The following EYA4 variants were observed in gnomAD, a reference collection of about 807,000 sequenced individuals.
EYA4 encodes EYA transcriptional coactivator and phosphatase 4, also known as protein phosphatase EYA4.
In EYA4, 31 loss-of-function variants were observed where a neutral mutation model predicts 87.9. That is an observed-to-expected ratio of 0.35 (90% CI 0.27 to 0.48). The LOEUF (loss-of-function observed/expected upper bound fraction) is 0.48, where lower values mean the gene tolerates loss of function less well. Ranked by LOEUF, EYA4 falls within the 20% of genes least tolerant of loss-of-function variation. The pLI is 0.99. For missense variants in EYA4, 678 were observed against 761.4 expected (o/e 0.89, Z 1.29); for synonymous variants, 263 against 270.6 (o/e 0.97, Z 0.28).
intron 3 of EYA4, among the ~76,000 whole-genome samples, chr6:133,436,281 C>T (rs1791673766): frequency 6.6e-6 from 1 of 151,960 alleles, no homozygotes; most frequent in African/African-American, 2.4e-5. Context: ...AATTCCATCT[C>T]CCCTTACCTA....
chr6:133,369,361 CCT>C lies in EYA4; in HGVS notation c.34-13026_34-13025del, dbSNP rs543093406. Among the ~76,000 whole-genome samples, 26 of 151,738 alleles carry C rather than the reference CCT, an allele frequency of 1.7e-4. No homozygotes were observed. In the East Asian group the frequency reaches 3.7e-3, roughly 21 times the overall value. On this transcript the variant is annotated intron_variant, in intron 2 of 19. Coordinates refer to ENST00000355286, the MANE Select transcript of EYA4 (RefSeq NM_004100.5). Reference sequence around the variant, plus strand: ...TCATTTCATTAGAAATTAATATATCCCTCTCTTTCGTAAACATAAAAGACTTT... The same window carrying C: ...TCATTTCATTAGAAATTAATATATCCCTCTTTCGTAAACATAAAAGACTTT...
rs754043989 is a variant in EYA4, at chr6:133,530,513, A to G, written c.*1708A>G. ...ATAATGTGGATCCTGGAGTCAGGCT[A>G]CTAGTCAGTGCCCCTAGCCAGAGGC... On this transcript the variant is annotated 3_prime_UTR_variant, in exon 20 of 20. Transcript: ENST00000355286. The G allele has an allele frequency of 4.6e-5, 45 of 985,802 alleles. No homozygotes were observed. Among genetic ancestry groups the G allele is most frequent in the Non-Finnish European group, 5.4e-5 (45 of 829,880 alleles). 61.1% of individuals were successfully genotyped at this position (985,802 alleles called of 1,614,324 possible).
rs550411043 is a variant in EYA4, at chr6:133,445,769, A to T, written c.84-861A>T. Among the ~76,000 whole-genome samples the T allele has an allele frequency of 2.0e-5, 3 of 151,640 alleles. No homozygotes were observed. In the South Asian group the frequency reaches 6.3e-4, roughly 32 times the overall value. ...GATTTTTTTTGTATTTGTAGTAGAG[A>T]CGGGGTTTCACCGTGTTAGCCAGGA... On this transcript the variant is annotated intron_variant, in intron 3 of 19. Transcript: ENST00000355286.
chr6:133,404,986 A>G (rs960131403), intron 3 of EYA4, among the ~76,000 whole-genome samples: 3 of 152,268 alleles, frequency 2.0e-5, no homozygotes, highest in South Asian at 2.1e-4. Flanking sequence ...CAGACATGCT[A>G]TTCTCTGCTT....
chr6:133,509,629 G>A (rs957842561), intron 14 of EYA4, among the ~76,000 whole-genome samples: 2 of 152,118 alleles, frequency 1.3e-5, no homozygotes, highest in African/African-American at 2.4e-5. Flanking sequence ...GTGCTATTTC[G>A]GTTAGAATAA....
chr6:133,501,194 C>G (rs983446610), intron 13 of EYA4, among the ~76,000 whole-genome samples: 2 of 151,990 alleles, frequency 1.3e-5, no homozygotes, highest in African/African-American at 4.8e-5. Flanking sequence ...TTAAATTAGC[C>G]CTTTCCACTC....
chr6:133,265,608 T>G (rs1776152764), intron 1 of EYA4, among the ~76,000 whole-genome samples: 1 of 152,198 alleles, frequency 6.6e-6, no homozygotes, highest in South Asian at 2.1e-4. Flanking sequence ...TAGTTTTACT[T>G]GGTTCAATAA....
intron 14 of EYA4, among the ~76,000 whole-genome samples, chr6:133,512,027 T>TTTA (rs1799196662): frequency 6.6e-6 from 1 of 151,960 alleles, no homozygotes; most frequent in African/African-American, 2.4e-5. Context: ...TTACATAAAG[T>TTTA]TTATTTTGCT....
chr6:133,313,576 G>C (rs1780398338), intron 2 of EYA4, among the ~76,000 whole-genome samples: 1 of 152,152 alleles, frequency 6.6e-6, no homozygotes, highest in Non-Finnish European at 1.5e-5. Context: ...ATCTGTGCGA[G>C]GTTAGTTGTT....
rs192361419 is a variant in EYA4, at chr6:133,348,481, G to A, written c.34-33911G>A. Reference sequence around the variant, plus strand: ...GGGGTTTCACCATATCGGCCAGGCTGGTCTCAAACTCCTAACCTTGTGAAT... The same window carrying A: ...GGGGTTTCACCATATCGGCCAGGCTAGTCTCAAACTCCTAACCTTGTGAAT... On this transcript the variant is annotated intron_variant, in intron 2 of 19. Transcript: ENST00000355286. Among the ~76,000 whole-genome samples the A allele has an allele frequency of 2.2e-3, 327 of 151,840 alleles. 1 individual carries two copies. Among genetic ancestry groups the A allele is most frequent in the Non-Finnish European group, 3.6e-3 (247 of 67,932 alleles).
In EYA4 at chr6:133,351,841, C is replaced by A. The variant is rs189397771; in HGVS notation, c.34-30551C>A. Among the ~76,000 whole-genome samples, 21 of 152,210 alleles carry A rather than the reference C, an allele frequency of 1.4e-4. 1 individual carries two copies. Among genetic ancestry groups the A allele is most frequent in the Admixed American group, 1.3e-3 (20 of 15,282 alleles). The stretch of plus-strand genomic sequence containing the variant: ...GGTAGAGAAAGGAACCTAATGAACC[C>A]TTATGCCCACCATCCATCTTTAACA... On this transcript the variant is annotated intron_variant, in intron 2 of 19. Coordinates refer to ENST00000355286, the MANE Select transcript of EYA4 (RefSeq NM_004100.5).
At chr6:133,392,426 T>C (rs1787381321) in intron 3 of EYA4, among the ~76,000 whole-genome samples, 1 of 152,108 alleles carries the variant, frequency 6.6e-6, no homozygotes, top group Non-Finnish European at 1.5e-5. Context: ...CTTACAGGTA[T>C]TGAGAGCTCA....
At chr6:133,341,801 GA>G (rs1279578622) in intron 2 of EYA4, among the ~76,000 whole-genome samples, 2 of 151,070 alleles carry the variant, frequency 1.3e-5, no homozygotes, top group South Asian at 2.1e-4. Flanking sequence ...CACTTAAGGG[GA>G]AAAAAAAACT....
At position 133,263,350 on chromosome 6, in the gene EYA4, T is replaced by C. The variant is rs544970240; in HGVS notation, c.-65-11366T>C. Among the ~76,000 whole-genome samples, 66 of 152,276 alleles carry C rather than the reference T, an allele frequency of 4.3e-4. 1 individual carries two copies. Among genetic ancestry groups the C allele is most frequent in the African/African-American group, 1.5e-3 (61 of 41,570 alleles). On this transcript the variant is annotated intron_variant, in intron 1 of 19. Coordinates refer to ENST00000355286, the MANE Select transcript of EYA4 (RefSeq NM_004100.5). ...CAGTGAGACTTTGGGAGTCACAAGA[T>C]CTGGGTGCTTAAATTCTGCCAGGAC...
intron 2 of EYA4, among the ~76,000 whole-genome samples, chr6:133,281,200 A>G (rs1310935741): frequency 9.8e-6 from 1 of 101,848 alleles, no homozygotes; most frequent in Non-Finnish European, 2.2e-5. Context: ...TGTATTCTAG[A>G]TAAAAGTCCT....
chr6:133,469,960 G>A (rs896584930), intron 11 of EYA4, among the ~76,000 whole-genome samples: 4 of 151,676 alleles, frequency 2.6e-5, no homozygotes, highest in African/African-American at 9.7e-5. Flanking sequence ...TTGTAAATTT[G>A]TTTGAGTTCA....
chr6:133,247,121 C>T (rs559868273), intron 1 of EYA4: 1 of 152,048 alleles, frequency 6.6e-6, no homozygotes, highest in Non-Finnish European at 1.5e-5. Flanking sequence ...TGAGACAAGA[C>T]CAAACAAAGT....
At chr6:133,299,937 ATC>A (rs1290362197) in intron 2 of EYA4, among the ~76,000 whole-genome samples, 49 of 127,250 alleles carry the variant, frequency 3.9e-4, no homozygotes, top group South Asian at 5.2e-4. Context: ...CTATCTATCT[ATC>A]TATCTATCTA....
chr6:133,402,988 C>T (rs1052206284), intron 3 of EYA4, among the ~76,000 whole-genome samples: 5 of 152,104 alleles, frequency 3.3e-5, no homozygotes, highest in Admixed American at 1.3e-4. Flanking sequence ...TTCAGTGCCT[C>T]GGTTTTATCA....
Sources: gnomAD v4.1 joint callset for allele counts (sites outside exome capture counted in the v4.1 genomes callset) on GRCh38, gnomAD v4.1.1 for gene constraint, MANE v1.5 for transcripts, NCBI Gene and HGNC (gene_info 2026-07-23, HGNC 2026-07-21) for gene names.